The following TANGO6 variants were observed in gnomAD, a reference collection of about 807,000 sequenced individuals.
TANGO6 encodes transport and golgi organization 6 homolog, also known as transport and Golgi organization protein 6 homolog.
TANGO6 carries 90 observed loss-of-function variants against 114.2 expected under a neutral mutation model. That is an observed-to-expected ratio of 0.79 (90% CI 0.66 to 0.94). TANGO6 has a LOEUF of 0.94. Ranked by LOEUF, TANGO6 falls within the 40% of genes least tolerant of loss-of-function variation. The pLI is 0.00. For synonymous variants in TANGO6, 477 were observed against 509.8 expected (o/e 0.94, Z 0.87); for missense variants, 1,274 against 1,315.3 (o/e 0.97, Z 0.49).
At chr16:69,068,579 C>T (rs1015586717) in intron 17 of TANGO6, among the ~76,000 whole-genome samples, 1 of 152,324 alleles carries the variant, frequency 6.6e-6, no homozygotes. Flanking sequence ...GCATGTTAGG[C>T]TCTCTTCCAG....
intron 2 of TANGO6, among the ~76,000 whole-genome samples, chr16:68,860,966 A>T (rs769280812): frequency 6.6e-6 from 1 of 152,216 alleles, no homozygotes; most frequent in Non-Finnish European, 1.5e-5. Context: ...AATAACACAT[A>T]TAGAGCACCT....
At chr16:68,902,299 A>T (rs1488438319) in intron 8 of TANGO6, 29 bp from the exon 9 acceptor site, 1 of 1,589,974 alleles carries the variant, frequency 6.3e-7, no homozygotes. Flanking sequence ...TAAGATGACA[A>T]GCTCATTCAT....
intron 16 of TANGO6, among the ~76,000 whole-genome samples, chr16:69,037,885 C>G (rs867904630): frequency 6.6e-6 from 1 of 152,230 alleles, no homozygotes; most frequent in African/African-American, 2.4e-5. Flanking sequence ...CTTCTAATCT[C>G]TCTGCCATCA....
chr16:68,988,408 A>G (rs995855009), intron 15 of TANGO6, among the ~76,000 whole-genome samples: 1 of 151,974 alleles, frequency 6.6e-6, no homozygotes, highest in African/African-American at 2.4e-5. Context: ...CTCCTCCCCC[A>G]CTAACAGATC....
chr16:69,048,120 T>C (rs1959890679), intron 17 of TANGO6, among the ~76,000 whole-genome samples: 1 of 152,096 alleles, frequency 6.6e-6, no homozygotes, highest in Non-Finnish European at 1.5e-5. Context: ...TCTTGCTCTG[T>C]CACCCACGCT....
intron 15 of TANGO6, among the ~76,000 whole-genome samples, chr16:68,981,317 TCTC>T (rs974516088): frequency 6.7e-6 from 1 of 150,204 alleles, no homozygotes; most frequent in African/African-American, 2.5e-5. Flanking sequence ...TTCAAGCAAT[TCTC>T]CTGCCTCAGC....
chr16:68,897,661 T>A (rs1962724114), intron 7 of TANGO6, among the ~76,000 whole-genome samples: 1 of 151,176 alleles, frequency 6.6e-6, no homozygotes, highest in Non-Finnish European at 1.5e-5. Context: ...TCACTGCAAC[T>A]TCCGCCTCCT....
chr16:69,074,709 A>G (rs1960345644), intron 17 of TANGO6, among the ~76,000 whole-genome samples: 1 of 151,784 alleles, frequency 6.6e-6, no homozygotes, highest in South Asian at 2.1e-4. Flanking sequence ...AGAGGTTAGG[A>G]ATACCTAACT....
chr16:68,897,258 A>G (rs562374871), intron 7 of TANGO6, among the ~76,000 whole-genome samples: 2 of 151,936 alleles, frequency 1.3e-5, no homozygotes, highest in African/African-American at 2.4e-5. Context: ...TCCCCTCATC[A>G]CTATCCATTT....
At chr16:68,850,406 C>G (rs946406806) in intron 1 of TANGO6, among the ~76,000 whole-genome samples, 5 of 152,010 alleles carry the variant, frequency 3.3e-5, no homozygotes, top group Non-Finnish European at 1.5e-5. Flanking sequence ...AATATATAAT[C>G]ACACATTATA....
chr16:68,875,430 A>G (rs1962338897), intron 5 of TANGO6, 140 bp downstream of exon 5: 6 of 1,114,286 alleles, frequency 5.4e-6, no homozygotes, highest in Middle Eastern at 3.2e-4. Context: ...TTCTTAATAA[A>G]TGAATAAAAA....
At chr16:68,905,169 G>A (rs536302961) in intron 9 of TANGO6, among the ~76,000 whole-genome samples, 21 of 152,244 alleles carry the variant, frequency 1.4e-4, no homozygotes, top group Admixed American at 3.3e-4. Context: ...GGCAGAGGTT[G>A]CGGTGGGCCG....
At chr16:69,058,922 T>TC (rs1960074601) in intron 17 of TANGO6, among the ~76,000 whole-genome samples, 1 of 151,700 alleles carries the variant, frequency 6.6e-6, no homozygotes. Flanking sequence ...TTTTTTTTTT[T>TC]TTGAGACATA....
In TANGO6 at chr16:69,015,497, T is replaced by TTTA. The variant is rs1436975723; in HGVS notation, c.2843-7329_2843-7328insATT. 5.9e-5 allele frequency among the ~76,000 whole-genome samples: 9 copies of TTTA among 151,760 alleles called. No individual in the cohort carries two copies. The East Asian group carries it at 1.7e-3, about 29-fold the overall frequency. ...ATTTATTTATTTATTTATTTATTTA[T>TTTA]TTTAAACAGAGTCTTGCTCTGTCGC... On this transcript the variant is annotated intron_variant, in intron 15 of 17. Transcript: ENST00000261778.
intron 7 of TANGO6, among the ~76,000 whole-genome samples, chr16:68,899,835 A>G (rs1962759699): frequency 6.6e-6 from 1 of 152,012 alleles, no homozygotes; most frequent in Non-Finnish European, 1.5e-5. Context: ...CTGGCCTTAA[A>G]CAATCCTCCC....
At chr16:68,892,511 C>CTTT (rs57046490) in intron 7 of TANGO6, among the ~76,000 whole-genome samples, 68 of 138,284 alleles carry the variant, frequency 4.9e-4, no homozygotes, top group Admixed American at 7.3e-4. Flanking sequence ...TTCAGTCTTT[C>CTTT]TTTTTTTTTT....
At chr16:68,859,475 C>A (rs556554756) in intron 1 of TANGO6, among the ~76,000 whole-genome samples, 3 of 152,266 alleles carry the variant, frequency 2.0e-5, no homozygotes, top group South Asian at 2.1e-4. Context: ...CTGGCCAGAG[C>A]CTTTGTTCTG....
At chr16:68,858,593 A>G (rs527407985) in intron 1 of TANGO6, among the ~76,000 whole-genome samples, 105 of 149,796 alleles carry the variant, frequency 7.0e-4, no homozygotes, top group Middle Eastern at 7.0e-3. Flanking sequence ...CAGTCCCTCT[A>G]CCTCAGCCCC....
At position 69,083,567 on chromosome 16, in the gene TANGO6, A is replaced by G. The variant is rs1464510937; in HGVS notation, c.3191A>G (p.His1064Arg). 5.6e-6 allele frequency: 9 copies of G among 1,609,280 alleles called. No homozygotes were observed. Among genetic ancestry groups the G allele is most frequent in the Non-Finnish European group, 7.6e-6 (9 of 1,177,880 alleles). ...GAGCCCGATGACGTGGCCAAGCTCC[A>G]TGCCCAGTTGGCCCTAGAAGAGCTG... ...CLEPDDVAKL[H>R]AQLALEELDD... is the part of the protein sequence containing the mutation. The change falls in exon 18 of 18, where the codon CAT becomes CGT. Residue 1064 changes from histidine (H) to arginine (R), a missense_variant. This residue lies in a region of TANGO6 where 238 missense variants were observed against 252.9 expected (regional missense o/e 0.94). Transcript: ENST00000261778.
Sources: gnomAD v4.1 joint callset for allele counts (sites outside exome capture counted in the v4.1 genomes callset) on GRCh38, gnomAD v4.1.1 for gene constraint, gnomAD v4.1.1 regional missense constraint, MANE v1.5 for transcripts, NCBI Gene and HGNC (gene_info 2026-07-23, HGNC 2026-07-21) for gene names.